EXOSC9: variants seen among roughly 807,000 people sequenced by gnomAD.
EXOSC9 encodes exosome component 9.
Under a neutral mutation model 56.5 loss-of-function variants are expected in EXOSC9, and 38 were observed. The observed-to-expected ratio is 0.67, with a 90% CI of 0.52 to 0.88. EXOSC9 has a LOEUF of 0.88. EXOSC9 is among the 40% of genes least tolerant of loss of function. The probability of loss-of-function intolerance (pLI) is 0.00; values close to 1 mark genes in which losing one functional copy is unlikely to be tolerated. For missense variants in EXOSC9, 559 were observed against 530.5 expected, an observed-to-expected ratio of 1.05 and a Z score of -0.53; for synonymous variants, 170 against 170.8, an observed-to-expected ratio of 0.99 and a Z score of 0.04.
At chr4:121,810,418 G>C (rs1324018285) in intron 7 of EXOSC9, among the ~76,000 whole-genome samples, 1 of 150,170 alleles carries the variant, frequency 6.7e-6, no homozygotes. Context: ...GTTGGCTTAC[G>C]CCTGTAATCC....
At chr4:121,807,852 G>A (rs1315380869) in intron 6 of EXOSC9, 1 of 567,406 alleles carries the variant, frequency 1.8e-6, no homozygotes, top group African/African-American at 1.9e-5. Context: ...CTTTTCATGG[G>A]ATACTTATAA....
chr4:121,801,581 C>A, intron 1 of EXOSC9, 91 bp downstream of exon 1: 1 of 1,241,178 alleles, frequency 8.1e-7, no homozygotes, highest in Non-Finnish European at 1.2e-6. Flanking sequence ...GCCCGGGGAG[C>A]TACTAGGGGA....
intron 8 of EXOSC9, among the ~76,000 whole-genome samples, chr4:121,812,737 C>T (rs933192332): frequency 4.6e-5 from 7 of 152,156 alleles, no homozygotes; most frequent in African/African-American, 1.4e-4. Flanking sequence ...GTGATCCACC[C>T]GCCTGGGCCT....
rs531116799 is a variant in EXOSC9 at position 121,812,790 on chromosome 4, G to A, written c.828-444G>A. On this transcript the variant is annotated intron_variant, in intron 8 of 11. Transcript: ENST00000243498. The stretch of plus-strand genomic sequence containing the variant: ...ACAGGTGTGAGCCACCGTGCCTGGA[G>A]ACATAAGATTTTTCTTTAGCAGTTA... Among the ~76,000 whole-genome samples the A allele has an allele frequency of 1.5e-4, 23 of 152,280 alleles. No individual in the cohort carries two copies. The East Asian group carries it at 4.4e-3, about 29-fold the overall frequency.
chr4:121,804,072 C>T (rs548481169), intron 4 of EXOSC9, among the ~76,000 whole-genome samples: 3 of 152,180 alleles, frequency 2.0e-5, no homozygotes, highest in Non-Finnish European at 4.4e-5. Flanking sequence ...GTCATTATAG[C>T]TCACTGTAAT....
chr4:121,815,651 T>G, intron 10 of EXOSC9: 1 of 985,440 alleles, frequency 1.0e-6, no homozygotes, highest in Non-Finnish European at 1.2e-6. Context: ...AAAAATGACA[T>G]GGCATTTTTT....
chr4:121,811,729 A>C, intron 8 of EXOSC9, 58 bp downstream of exon 8: 2 of 861,660 alleles, frequency 2.3e-6, no homozygotes, highest in Non-Finnish European at 3.5e-6. Flanking sequence ...AATTTTTATT[A>C]TTTTTTTTAG....
Position 121,816,026 on chromosome 4 carries a change from G to T in EXOSC9, c.1157-343G>T, listed in dbSNP as rs113448823. On this transcript the variant is annotated intron_variant, in intron 10 of 11. Coordinates refer to ENST00000243498, the MANE Select transcript of EXOSC9 (RefSeq NM_005033.3). The stretch of plus-strand genomic sequence containing the variant: ...GCTCTGTCACCCAGACTGGAGTGCA[G>T]TGGCACTGCAACCTCCACCTCCATG... The T allele has an allele frequency of 7.4e-4, 807 of 1,085,460 alleles. 3 individuals carry two copies. In the African/African-American group the frequency reaches 0.012, roughly 17 times the overall value. The allele number at this position is 1,085,460 out of a possible 1,614,324, so 67.2% of individuals were successfully genotyped here. A position where few individuals can be genotyped will look rare whatever the true frequency, so the allele number is the denominator to read the frequency against.
Position 121,809,784 on chromosome 4 carries a change from CATTT to C in EXOSC9, c.606-182_606-179del, listed in dbSNP as rs1342558800. ...TAACTAGAGATACCCACTTAGCATTCATTTGTGTTCATAAACACAATAATTTTCT... is the reference window on the plus strand; with the variant it reads ...TAACTAGAGATACCCACTTAGCATTCGTGTTCATAAACACAATAATTTTCT... On this transcript the variant is annotated intron_variant, in intron 6 of 11. Transcript: ENST00000243498. 2.3e-4 allele frequency: 140 copies of C among 613,356 alleles called. 4 individuals are homozygous for C. In the South Asian group the frequency reaches 2.6e-3, roughly 11 times the overall value. The allele number at this position is 613,356 out of a possible 1,614,324, so 38.0% of individuals were successfully genotyped here.
intron 4 of EXOSC9, 23 bp downstream of exon 4, chr4:121,803,040 T>C: frequency 6.7e-7 from 1 of 1,483,894 alleles, no homozygotes; most frequent in African/African-American, 1.4e-5. Flanking sequence ...CCCATAATTC[T>C]TAATCTTAGG....
chr4:121,816,522 CTCA>C, intron 11 of EXOSC9, 75 bp downstream of exon 11: 1 of 987,648 alleles, frequency 1.0e-6, no homozygotes, highest in East Asian at 2.5e-5. Context: ...TGGTTTTACT[CTCA>C]TCTTGCCACA....
At chr4:121,813,799 C>A in intron 9 of EXOSC9, 67 bp from the exon 10 acceptor site, 1 of 1,197,270 alleles carries the variant, frequency 8.4e-7, no homozygotes. Flanking sequence ...AGAAAACTTT[C>A]ATTCTCATCT....
intron 6 of EXOSC9, among the ~76,000 whole-genome samples, chr4:121,808,929 C>A (rs1239710459): frequency 6.6e-6 from 1 of 151,990 alleles, no homozygotes; most frequent in Non-Finnish European, 1.5e-5. Flanking sequence ...CCTATCTCCA[C>A]CTCCCAAAGT....
intron 6 of EXOSC9, among the ~76,000 whole-genome samples, chr4:121,808,573 G>T (rs543361199): frequency 6.6e-6 from 1 of 152,042 alleles, no homozygotes; most frequent in South Asian, 2.1e-4. Flanking sequence ...TATTGCCCAG[G>T]CTGGTCTGGA....
chr4:121,815,429 A>AC (rs1366754626), intron 10 of EXOSC9: 27 of 985,110 alleles, frequency 2.7e-5, no homozygotes, highest in Non-Finnish European at 3.3e-5. Flanking sequence ...TGGAGCAGGT[A>AC]CAGCCTTCCT....
rs1491459056 is a variant in EXOSC9, at chr4:121,816,347, TTA to T, written c.1157-21_1157-20del. Reference sequence around the variant, plus strand: ...GATTGCTTAACTTTTTTTTTTTTTTTTAAATTAATAAAAAAACAAAGATGCTC... The same window carrying T: ...GATTGCTTAACTTTTTTTTTTTTTTTAATTAATAAAAAAACAAAGATGCTC... On this transcript the variant is annotated intron_variant, in intron 10 of 11. Transcript: ENST00000243498. 6 of 1,357,270 alleles carry T rather than the reference TTA, an allele frequency of 4.4e-6. No individual in the cohort carries two copies. Among genetic ancestry groups the T allele is most frequent in the East Asian group, 5.0e-5 (2 of 39,766 alleles). 84.1% of individuals were successfully genotyped at this position (1,357,270 alleles called of 1,614,324 possible).
At chr4:121,816,559 CT>C in intron 11 of EXOSC9, 112 bp downstream of exon 11, 1 of 833,338 alleles carries the variant, frequency 1.2e-6, no homozygotes, top group East Asian at 2.7e-5. Context: ...AAAGACATCC[CT>C]TTTTCATTAG....
intron 5 of EXOSC9, among the ~76,000 whole-genome samples, chr4:121,806,610 A>G (rs1727029808): frequency 6.6e-6 from 1 of 152,214 alleles, no homozygotes; most frequent in Non-Finnish European, 1.5e-5. Context: ...ACTGGAAACA[A>G]TCCAAATGTC....
intron 10 of EXOSC9, chr4:121,814,312 AATT>A (rs545066092): frequency 7.7e-5 from 16 of 208,760 alleles, no homozygotes; most frequent in African/African-American, 3.4e-4. Context: ...ATTTCAACTA[AATT>A]ATTGTGGCTA....
Sources: allele counts gnomAD v4.1 joint callset (sites outside exome capture counted in the v4.1 genomes callset), GRCh38; gene constraint gnomAD v4.1.1; transcripts MANE v1.5; gene names NCBI Gene and HGNC (gene_info 2026-07-23, HGNC 2026-07-21).